CSMD1: variants seen among roughly 807,000 people sequenced by gnomAD.
CSMD1 encodes the protein CUB and sushi domain-containing protein 1.
A neutral mutation model predicts 417.5 loss-of-function variants in CSMD1; 213 were observed. The ratio of observed to expected loss-of-function variants is 0.51; its 90% CI spans 0.46 to 0.57. CSMD1 has a LOEUF of 0.57. Ranked by LOEUF, CSMD1 falls within the 20% of genes least tolerant of loss-of-function variation. The pLI is 0.00. For missense variants in CSMD1, 6,923 were observed against 4,529.7 expected (o/e 1.53, Z -15.17); for synonymous variants, 2,862 against 1,736.8 (o/e 1.65, Z -16.11).
chr8:3,869,954 T>C (rs1805368300), intron 5 of CSMD1, among the ~76,000 whole-genome samples: 1 of 151,848 alleles, frequency 6.6e-6, no homozygotes, highest in Non-Finnish European at 1.5e-5. Context: ...TAGCTATATG[T>C]CATCTATATA....
At chr8:4,019,675 G>C (rs1029542467) in intron 4 of CSMD1, among the ~76,000 whole-genome samples, 1 of 152,162 alleles carries the variant, frequency 6.6e-6, no homozygotes, top group East Asian at 1.9e-4. Context: ...GCAGTTGTCT[G>C]AGATAATGCT....
intron 3 of CSMD1, among the ~76,000 whole-genome samples, chr8:4,036,517 GCTA>G (rs1563346842): frequency 6.6e-6 from 1 of 152,178 alleles, no homozygotes; most frequent in Non-Finnish European, 1.5e-5. Context: ...CCAAGAGACA[GCTA>G]CTACCATAAA....
intron 6 of CSMD1, among the ~76,000 whole-genome samples, chr8:3,729,843 A>G (rs942820112): frequency 6.7e-6 from 1 of 150,214 alleles, no homozygotes; most frequent in African/African-American, 2.5e-5. Flanking sequence ...CACCTTGCAT[A>G]TTCCATGTAT....
chr8:4,449,022 C>T (rs1798978055), intron 2 of CSMD1, among the ~76,000 whole-genome samples: 1 of 152,072 alleles, frequency 6.6e-6, no homozygotes, highest in African/African-American at 2.4e-5. Context: ...GTGCGTTCAG[C>T]CTAATTTATG....
At chr8:3,184,839 C>T (rs10090467) in intron 36 of CSMD1, among the ~76,000 whole-genome samples, 41,370 of 151,970 alleles carry the variant, frequency 0.27, 6,306 homozygotes, top group Non-Finnish European at 0.36. Context: ...CAACCTTATC[C>T]GGACCCTTAA....
chr8:4,160,358 T>C (rs1380914567), intron 3 of CSMD1, among the ~76,000 whole-genome samples: 1 of 152,288 alleles, frequency 6.6e-6, no homozygotes, highest in South Asian at 2.1e-4. Context: ...TGTAAAGTAA[T>C]GAAGCCAACT....
At chr8:4,596,385 C>A (rs769738117) in intron 2 of CSMD1, among the ~76,000 whole-genome samples, 42 of 152,230 alleles carry the variant, frequency 2.8e-4, no homozygotes, top group Non-Finnish European at 4.9e-4. Flanking sequence ...AAAATGATTT[C>A]TAGACTGAAT....
In CSMD1 at chr8:4,372,060, G is replaced by C. The variant is rs79821450; in HGVS notation, c.415+47893C>G. On this transcript the variant is annotated intron_variant, in intron 3 of 69. Transcript: ENST00000635120. ...CATGGCAAGGTCTGGGGTGAACATG[G>C]CAGTAGGTGGCTGAGGTGGAAGAAA... is the stretch of plus-strand genomic sequence containing the variant. Among the ~76,000 whole-genome samples, 500 of 152,358 alleles carry C rather than the reference G, an allele frequency of 3.3e-3. 27 individuals are homozygous for C. The East Asian group carries it at 0.083, about 25-fold the overall frequency.
intron 10 of CSMD1, among the ~76,000 whole-genome samples, chr8:3,533,195 C>A (rs1798052250): frequency 1.3e-5 from 2 of 152,130 alleles, no homozygotes; most frequent in African/African-American, 4.8e-5. Flanking sequence ...AAAGAAAGAG[C>A]ACCCTAAAAC....
intron 3 of CSMD1, among the ~76,000 whole-genome samples, chr8:4,214,154 A>C (rs1475585530): frequency 1.3e-5 from 2 of 152,114 alleles, no homozygotes; most frequent in African/African-American, 4.8e-5. Context: ...TTGGATCTCT[A>C]CTTTGTATTT....
intron 7 of CSMD1, among the ~76,000 whole-genome samples, chr8:3,638,121 G>T (rs960592888): frequency 2.0e-5 from 3 of 152,098 alleles, no homozygotes; most frequent in Middle Eastern, 3.2e-3. Context: ...ACCCAAGCAG[G>T]TTGAGTCTTA....
chr8:4,157,783 T>G (rs2131081206), intron 3 of CSMD1, among the ~76,000 whole-genome samples: 1 of 152,320 alleles, frequency 6.6e-6, no homozygotes, highest in East Asian at 1.9e-4. Context: ...CGTTCACAGC[T>G]GGGTGAACTT....
intron 1 of CSMD1, among the ~76,000 whole-genome samples, chr8:4,810,175 C>G (rs771661762): frequency 6.6e-6 from 1 of 152,152 alleles, no homozygotes; most frequent in Non-Finnish European, 1.5e-5. Flanking sequence ...ATGTAAACTT[C>G]AAGAACTGAG....
rs762293754 is a variant in CSMD1, at chr8:3,087,232, T to C, written c.7339A>G (p.Thr2447Ala). ...ACTTTGCTTCCAACCGCTCCTGCAGTCCTGTTTAGAATACCCCCATTCTTC... is the reference window on the plus strand; with the variant it reads ...ACTTTGCTTCCAACCGCTCCTGCAGCCCTGTTTAGAATACCCCCATTCTTC... Reference protein sequence around the residue: ...PLKNGGILNRTAGAVGSKVHY... With the variant: ...PLKNGGILNRAAGAVGSKVHY... The change falls in exon 49 of 70, where the codon ACT becomes GCT. Residue 2447 changes from threonine to alanine, a missense_variant. Coordinates refer to ENST00000635120, the MANE Select transcript of CSMD1 (RefSeq NM_033225.6). 1.6e-5 allele frequency: 26 copies of C among 1,613,926 alleles called. 1 individual carries two copies. The South Asian group carries it at 1.9e-4, about 12-fold the overall frequency.
In CSMD1 at chr8:3,273,165, C is replaced by A. The variant is rs1279189085; in HGVS notation, c.4153+10979G>T. Among the ~76,000 whole-genome samples, 3 of 150,940 alleles carry A rather than the reference C, an allele frequency of 2.0e-5. 1 individual carries two copies. Among genetic ancestry groups the A allele is most frequent in the South Asian group, 4.2e-4 (2 of 4,722 alleles). ...AAAGGTTGTTGAATTTTGTCAAAGG[C>A]CTTTTCTGCGTCTATTGAGATAATC... On this transcript the variant is annotated intron_variant, in intron 26 of 69. Coordinates refer to ENST00000635120, the MANE Select transcript of CSMD1 (RefSeq NM_033225.6).
intron 5 of CSMD1, among the ~76,000 whole-genome samples, chr8:3,755,883 G>A (rs1285517687): frequency 6.6e-6 from 1 of 151,960 alleles, no homozygotes; most frequent in Non-Finnish European, 1.5e-5. Context: ...GGTGACAGCT[G>A]GACACAGCTG....
intron 2 of CSMD1, among the ~76,000 whole-genome samples, chr8:4,471,357 G>T (rs186819822): frequency 6.6e-6 from 1 of 152,266 alleles, no homozygotes; most frequent in East Asian, 1.9e-4. Context: ...ATTTCTAGAA[G>T]ACATTGGGTT....
chr8:4,835,921 A>G (rs1026322986), intron 1 of CSMD1, among the ~76,000 whole-genome samples: 5 of 152,144 alleles, frequency 3.3e-5, no homozygotes, highest in East Asian at 1.9e-4. Context: ...AGTACAGATT[A>G]TAAGTACAAA....
At position 4,339,586 on chromosome 8, in the gene CSMD1, G is replaced by A. The variant is rs149679962; in HGVS notation, c.415+80367C>T. 2.0e-3 allele frequency among the ~76,000 whole-genome samples: 299 copies of A among 152,096 alleles called. 1 individual carries two copies. Among genetic ancestry groups the A allele is most frequent in the Admixed American group, 5.9e-3 (90 of 15,260 alleles). The stretch of plus-strand genomic sequence containing the variant: ...ATAACTTTCGGTTGTTTATTTCATC[G>A]TGCAAAGAACAGGTGGGAAATCGCT... On this transcript the variant is annotated intron_variant, in intron 3 of 69. Transcript: ENST00000635120.
Sources: gnomAD v4.1 joint callset for allele counts (sites outside exome capture counted in the v4.1 genomes callset) on GRCh38, gnomAD v4.1.1 for gene constraint, MANE v1.5 for transcripts, NCBI Gene and HGNC (gene_info 2026-07-23, HGNC 2026-07-21) for gene names.